STC2: variants seen among roughly 807,000 people sequenced by gnomAD.
STC2 encodes the protein stanniocalcin 2.
Under a neutral mutation model 22.7 loss-of-function variants are expected in STC2, and 7 were observed. That is an observed-to-expected ratio of 0.31 (90% confidence interval 0.18 to 0.58). STC2 has a LOEUF of 0.58. Ranked by LOEUF, STC2 falls within the 20% of genes least tolerant of loss-of-function variation. The pLI is 0.89. For synonymous variants in STC2, 158 were observed against 163.4 expected, an observed-to-expected ratio of 0.97 and a Z score of 0.25; for missense variants, 336 against 406.2, an observed-to-expected ratio of 0.83 and a Z score of 1.48.
At chr5:173,320,160 T>C (rs1490966229) in intron 3 of STC2, among the ~76,000 whole-genome samples, 1 of 152,224 alleles carries the variant, frequency 6.6e-6, no homozygotes, top group Non-Finnish European at 1.5e-5. Flanking sequence ...TCTGAGATAC[T>C]AACTGGATGC....
chr5:173,319,715 G>T (rs552964688), intron 3 of STC2, among the ~76,000 whole-genome samples: 1 of 152,248 alleles, frequency 6.6e-6, no homozygotes, highest in Non-Finnish European at 1.5e-5. Context: ...GCAGGGAGAA[G>T]GTGGCTCTTG....
intron 3 of STC2, among the ~76,000 whole-genome samples, chr5:173,320,748 A>G (rs1485934074): frequency 2.0e-5 from 3 of 150,956 alleles, no homozygotes; most frequent in Admixed American, 6.6e-5. Context: ...GGGGTGGTGC[A>G]GATTCTGGGG....
intron 1 of STC2, among the ~76,000 whole-genome samples, chr5:173,326,340 T>C (rs888954247): frequency 6.6e-6 from 1 of 152,164 alleles, no homozygotes; most frequent in Non-Finnish European, 1.5e-5. Flanking sequence ...GAGAGCAAAA[T>C]ATATTTCCGC....
In STC2 at chr5:173,315,266, A is replaced by G. The variant is rs530088484; in HGVS notation, c.*2581T>C. On this transcript the variant is annotated 3_prime_UTR_variant, in exon 4 of 4. Coordinates refer to ENST00000265087, the MANE Select transcript of STC2 (RefSeq NM_003714.3). The stretch of plus-strand genomic sequence containing the variant: ...CATTTTAGATTGTGCAAATGTCTCA[A>G]TCAATGCTTGCAGGAATGTGGACCT... 2.0e-3 allele frequency: 300 copies of G among 152,324 alleles called. 3 individuals are homozygous for G. The highest frequency in any genetic ancestry group is 7.0e-3 in the African/African-American group (290 of 41,568). The allele number at this position is 152,324 out of a possible 1,614,324, so 9.4% of individuals were successfully genotyped here. A position where few individuals can be genotyped will look rare whatever the true frequency, so the allele number is the denominator to read the frequency against.
rs752518263 is a variant in STC2, at chr5:173,323,208, G to A, written c.506+11C>T. Reference sequence around the variant, plus strand: ...CCCCTTCACCCAGGCCCTCTGCGGGGCAGTACTCACTCGTGCAGCAGCAAG... The same window carrying A: ...CCCCTTCACCCAGGCCCTCTGCGGGACAGTACTCACTCGTGCAGCAGCAAG... On this transcript the variant is annotated intron_variant, in intron 3 of 3. Transcript: ENST00000265087. The surrounding 1 kb of genome is among the most constrained non-coding windows in gnomAD (Gnocchi z 5.4). 3 of 1,614,018 alleles carry A rather than the reference G, an allele frequency of 1.9e-6. No individual in the cohort carries two copies. Among genetic ancestry groups the A allele is most frequent in the Admixed American group, 1.7e-5 (1 of 60,028 alleles).
Position 173,316,570 on chromosome 5 carries a change from G to C in STC2, c.*1277C>G, listed in dbSNP as rs1358487365. 6.6e-6 allele frequency: 1 copy of C among 151,994 alleles called. No homozygotes were observed. The highest frequency in any genetic ancestry group is 1.5e-5 in the Non-Finnish European group (1 of 67,998). The allele number at this position is 151,994 out of a possible 1,614,324, so 9.4% of individuals were successfully genotyped here. On this transcript the variant is annotated 3_prime_UTR_variant, in exon 4 of 4. Transcript: ENST00000265087. ...ATTTTTAGTTCTGTCTCTTCTCTCT[G>C]CCTTTATTTGTCCCCTTGGACTCCT...
intron 3 of STC2, among the ~76,000 whole-genome samples, chr5:173,319,191 G>A (rs1762459288): frequency 1.3e-5 from 2 of 152,184 alleles, no homozygotes; most frequent in Non-Finnish European, 2.9e-5. Flanking sequence ...TTACTCCAGG[G>A]GGTGGACAAG....
chr5:173,327,138 A>C (rs1363090616), intron 1 of STC2, among the ~76,000 whole-genome samples: 3 of 152,146 alleles, frequency 2.0e-5, no homozygotes, highest in Admixed American at 2.0e-4. Flanking sequence ...CCGGGGCAGG[A>C]CCGCACAGGG....
chr5:173,315,790 C>G lies in STC2; in HGVS notation c.*2057G>C, dbSNP rs1446659648. The G allele has an allele frequency of 1.3e-5, 2 of 152,284 alleles. No individual in the cohort carries two copies. The highest frequency in any genetic ancestry group is 2.9e-5 in the Non-Finnish European group (2 of 68,076). 9.4% of individuals were successfully genotyped at this position (152,284 alleles called of 1,614,324 possible). On this transcript the variant is annotated 3_prime_UTR_variant, in exon 4 of 4. Coordinates refer to ENST00000265087, the MANE Select transcript of STC2 (RefSeq NM_003714.3). Reference sequence around the variant, plus strand: ...CCTGACACACAGGTCCTCCTCCCCCCAAGGGCAGAGCTGGATTAAGTGCAC... The same window carrying G: ...CCTGACACACAGGTCCTCCTCCCCCGAAGGGCAGAGCTGGATTAAGTGCAC...
Position 173,323,116 on chromosome 5 carries a change from AC to A in STC2, c.506+102del. Reference sequence around the variant, plus strand: ...AGTAAATGGAAGCCTTCTCCATTTGACAGGCATTCAGCCTCTAGAAGCAACG... The same window carrying A: ...AGTAAATGGAAGCCTTCTCCATTTGAAGGCATTCAGCCTCTAGAAGCAACG... On this transcript the variant is annotated intron_variant, in intron 3 of 3. Coordinates refer to ENST00000265087, the MANE Select transcript of STC2 (RefSeq NM_003714.3). This position sits in a 1 kb window ranked among gnomAD's most constrained non-coding sequence, Gnocchi z 5.4. 9.3e-7 allele frequency: 1 copy of A among 1,074,336 alleles called. No homozygotes were observed. The highest frequency in any genetic ancestry group is 2.1e-4 in the Middle Eastern group (1 of 4,814). The allele number at this position is 1,074,336 out of a possible 1,614,324, so 66.6% of individuals were successfully genotyped here.
chr5:173,321,488 C>G (rs921366847), intron 3 of STC2, among the ~76,000 whole-genome samples: 1 of 120,854 alleles, frequency 8.3e-6, no homozygotes, highest in African/African-American at 2.6e-5. Flanking sequence ...AGAGTGTTCT[C>G]CTTGTGTAAT....
intron 1 of STC2, among the ~76,000 whole-genome samples, chr5:173,326,218 T>TTTG (rs1467544998): frequency 6.6e-6 from 1 of 152,216 alleles, no homozygotes; most frequent in Non-Finnish European, 1.5e-5. Flanking sequence ...TTTGTAAATA[T>TTTG]TTGTAGAAAA....
At chr5:173,320,007 AT>A (rs1168285708) in intron 3 of STC2, among the ~76,000 whole-genome samples, 22 of 152,172 alleles carry the variant, frequency 1.4e-4, no homozygotes, top group Admixed American at 7.2e-4. Flanking sequence ...GTTTCCTTCT[AT>A]TTTTTGAAAA....
rs545526580 is a variant in STC2, at chr5:173,317,955, G to T, written c.801C>A (p.His267Gln). 6.2e-7 allele frequency: 1 copy of T among 1,613,468 alleles called. No individual in the cohort carries two copies. Among genetic ancestry groups the T allele is most frequent in the East Asian group, 2.2e-5 (1 of 44,878 alleles). The stretch of plus-strand genomic sequence containing the variant: ...CTCTGCCTCGGGCATGGGCGTTTGG[G>T]TGGCTCTTGCTACCTCGCTCACCCT... ...GAKGERGSKS[H>Q]PNAHARGRVG... Residue 267 changes from histidine to glutamine, a missense_variant, in exon 4 of 4, where the codon CAC becomes CAA. Coordinates refer to ENST00000265087, the MANE Select transcript of STC2 (RefSeq NM_003714.3).
rs13361431 is a variant in STC2 at position 173,326,235 on chromosome 5, A to G, written c.152-225T>C. ...TGTAAATATTTGTAGAAAAGAGCCG[A>G]AAAATTACAAAAATTACAACCAGAA... is the stretch of plus-strand genomic sequence containing the variant. On this transcript the variant is annotated intron_variant, in intron 1 of 3. Coordinates refer to ENST00000265087, the MANE Select transcript of STC2 (RefSeq NM_003714.3). Among the ~76,000 whole-genome samples, 940 of 152,350 alleles carry G rather than the reference A, an allele frequency of 6.2e-3. 8 individuals carry two copies. Among genetic ancestry groups the G allele is most frequent in the African/African-American group, 0.021 (889 of 41,566 alleles).
chr5:173,327,317 G>A (rs1418802277), intron 1 of STC2, among the ~76,000 whole-genome samples: 1 of 152,268 alleles, frequency 6.6e-6, no homozygotes, highest in Non-Finnish European at 1.5e-5. Flanking sequence ...TCCGAGCTGG[G>A]AAAAGGGCCA....
rs369225501 is a variant in STC2 at position 173,321,837 on chromosome 5, T to C, written c.506+1382A>G. Among the ~76,000 whole-genome samples, 411 of 118,504 alleles carry C rather than the reference T, an allele frequency of 3.5e-3. 2 individuals are homozygous for C. Among genetic ancestry groups the C allele is most frequent in the African/African-American group, 9.8e-3 (377 of 38,622 alleles). 77.7% of individuals were successfully genotyped at this position (118,504 alleles called of 152,430 possible). On this transcript the variant is annotated intron_variant, in intron 3 of 3. Coordinates refer to ENST00000265087, the MANE Select transcript of STC2 (RefSeq NM_003714.3). ...TTAAAAAAACATAAAAAAAGACAGC[T>C]ATCATTGTTGTTGATGATGCTGTGG...
At chr5:173,319,249 T>A (rs1762459786) in intron 3 of STC2, among the ~76,000 whole-genome samples, 1 of 152,224 alleles carries the variant, frequency 6.6e-6, no homozygotes. Context: ...TGGGCCCATC[T>A]GGTAAAGAGT....
At position 173,325,822 on chromosome 5, in the gene STC2, T is replaced by C. The variant is rs375809330; in HGVS notation, c.294+46A>G. On this transcript the variant is annotated intron_variant, in intron 2 of 3. Transcript: ENST00000265087. This position sits in a 1 kb window ranked among gnomAD's most constrained non-coding sequence, Gnocchi z 4.7. ...GGCTTTCCAATGAACGTTTCAATCA[T>C]GTATGCTCACCCCAAACATTCTTCA... 10 of 1,612,230 alleles carry C rather than the reference T, an allele frequency of 6.2e-6. No individual in the cohort carries two copies. The African/African-American group carries it at 9.3e-5, about 15-fold the overall frequency.
Sources: gnomAD v4.1 joint callset for allele counts (sites outside exome capture counted in the v4.1 genomes callset) on GRCh38, gnomAD v4.1.1 for gene constraint, Gnocchi (gnomAD v3.1) non-coding constraint, MANE v1.5 for transcripts, NCBI Gene and HGNC (gene_info 2026-07-23, HGNC 2026-07-21) for gene names.